PLOD3: variants seen among roughly 807,000 people sequenced by gnomAD.
The protein encoded by PLOD3 is procollagen-lysine,2-oxoglutarate 5-dioxygenase 3.
Under a neutral mutation model 96.9 loss-of-function variants are expected in PLOD3, and 73 were observed. That is an observed-to-expected ratio of 0.75 (90% CI 0.62 to 0.92). The LOEUF (loss-of-function observed/expected upper bound fraction) is 0.92. Ranked by LOEUF, PLOD3 falls within the 40% of genes least tolerant of loss-of-function variation. The pLI, the probability that PLOD3 is intolerant of heterozygous loss-of-function variation, is 0.00. For missense variants in PLOD3, 1,004 were observed against 1,004.3 expected, an observed-to-expected ratio of 1.00 and a Z score of 0.00; for synonymous variants, 454 against 413.7, an observed-to-expected ratio of 1.10 and a Z score of -1.18.
intron 8 of PLOD3, 48 bp downstream of exon 8, chr7:101,212,794 G>T: frequency 1.3e-6 from 2 of 1,560,052 alleles, no homozygotes; most frequent in Non-Finnish European, 1.8e-6. Flanking sequence ...TGTACCTCCT[G>T]CTCAGCACGC....
chr7:101,216,663 AC>A (rs1157643423), intron 2 of PLOD3, 31 bp downstream of exon 2: 1 of 1,606,142 alleles, frequency 6.2e-7, no homozygotes, highest in Non-Finnish European at 8.5e-7. Flanking sequence ...TCCTGCTGGG[AC>A]CCCCTCCCAG....
rs1385274325 is a variant in PLOD3, at chr7:101,212,856, G to C, written c.865C>G (p.Leu289Val). The change falls in exon 8 of 19, where the codon CTC becomes GTC. Residue 289 changes from leucine (L) to valine (V), a missense_variant. Leu to Val is a conservative substitution (Grantham distance 32). Coordinates refer to ENST00000223127, the MANE Select transcript of PLOD3 (RefSeq NM_001084.5). ...CGFCNQDRRT[L>V]PGGQPPPRVF... ...CCCCACCTCACCTGCCCCCCCGGGA[G>C]TGTCCTCCGGTCCTGGTTGCAGAAG... The C allele has an allele frequency of 3.7e-6, 6 of 1,612,440 alleles. No homozygotes were observed. Among genetic ancestry groups the C allele is most frequent in the Non-Finnish European group, 5.1e-6 (6 of 1,178,766 alleles).
At chr7:101,216,389 C>T in intron 3 of PLOD3, 21 bp downstream of exon 3, 1 of 1,614,026 alleles carries the variant, frequency 6.2e-7, no homozygotes, top group East Asian at 2.2e-5. Flanking sequence ...TTACCCCGCT[C>T]CCTATCCCCA....
Position 101,212,870 on chromosome 7 carries a change from T to C in PLOD3, c.851A>G (p.Gln284Arg), listed in dbSNP as rs771747385. The change falls in exon 8 of 19, where the codon CAG (glutamine) becomes CGG (arginine). Residue 284 changes from glutamine (Q) to arginine (R), a missense_variant. Gln to Arg is a conservative substitution (Grantham distance 43). Coordinates refer to ENST00000223127, the MANE Select transcript of PLOD3 (RefSeq NM_001084.5). ...CCCCCCCGGGAGTGTCCTCCGGTCCTGGTTGCAGAAGCCACAGCCTCCCTC... is the reference window on the plus strand; with the variant it reads ...CCCCCCCGGGAGTGTCCTCCGGTCCCGGTTGCAGAAGCCACAGCCTCCCTC... ...TPEGGCGFCN[Q>R]DRRTLPGGQP... 1.9e-6 allele frequency: 3 copies of C among 1,613,312 alleles called. No individual in the cohort carries two copies. Among genetic ancestry groups the C allele is most frequent in the South Asian group, 2.2e-5 (2 of 91,028 alleles).
Position 101,206,365 on chromosome 7 carries a change from G to T in PLOD3, c.2133C>A (p.His711Gln), listed in dbSNP as rs1305209886. ...CGTGGTAGTGGGTGAGGCGGCCGGGGTGCAGGAGTGCCCAGCCCTTCCTCG... is the reference window on the plus strand; with the variant it reads ...CGTGGTAGTGGGTGAGGCGGCCGGGTTGCAGGAGTGCCCAGCCCTTCCTCG... ...SSPRKGWALL[H>Q]PGRLTHYHEG... Residue 711 changes from histidine to glutamine, a missense_variant, in exon 19 of 19, where the codon CAC (histidine) becomes CAA (glutamine). By Grantham distance (24) the His-to-Gln change is conservative. Transcript: ENST00000223127. The T allele has an allele frequency of 1.2e-6, 2 of 1,613,778 alleles. No individual in the cohort carries two copies. Among genetic ancestry groups the T allele is most frequent in the South Asian group, 1.1e-5 (1 of 91,086 alleles).
chr7:101,216,929 C>A, intron 1 of PLOD3, 143 bp from the exon 2 acceptor site: 1 of 770,824 alleles, frequency 1.3e-6, no homozygotes. Flanking sequence ...ACTCTGACCC[C>A]AAGGAGGGCA....
chr7:101,211,646 C>T lies in PLOD3; in HGVS notation c.1303G>A (p.Asp435Asn), dbSNP rs192851267. The change falls in exon 12 of 19, where the codon GAT (aspartate) becomes AAT (asparagine). Residue 435 changes from aspartate to asparagine, a missense_variant. Asp to Asn is a conservative substitution (Grantham distance 23). Coordinates refer to ENST00000223127, the MANE Select transcript of PLOD3 (RefSeq NM_001084.5). ...TCCTCGGAGCGGGCGTAGTACTCAT[C>T]GGGGCTCAGGGCGCCCCAGAAGTTG... ...WSNFWGALSP[D>N]EYYARSEDYV... 1.7e-5 allele frequency: 27 copies of T among 1,607,006 alleles called. No individual in the cohort carries two copies. Among genetic ancestry groups the T allele is most frequent in the Non-Finnish European group, 2.1e-5 (25 of 1,177,420 alleles).
chr7:101,216,627 TG>T (rs905880289), intron 2 of PLOD3, 67 bp downstream of exon 2: 12 of 1,608,984 alleles, frequency 7.5e-6, no homozygotes, highest in Non-Finnish European at 8.5e-6. Flanking sequence ...CGTGGGGACC[TG>T]GGCATCCAGA....
intron 12 of PLOD3, 87 bp from the exon 13 acceptor site, chr7:101,210,760 G>GTA (rs1303163749): frequency 5.4e-6 from 8 of 1,484,984 alleles, no homozygotes; most frequent in Non-Finnish European, 7.4e-6. Context: ...TTCCCTCAGG[G>GTA]TATCCCAGTC....
In PLOD3 at chr7:101,212,601, G is replaced by T. The variant is rs1168769480; in HGVS notation, c.934C>A (p.Pro312Thr). 2 of 1,613,894 alleles carry T rather than the reference G, an allele frequency of 1.2e-6. No individual in the cohort carries two copies. Among genetic ancestry groups the T allele is most frequent in the Admixed American group, 3.3e-5 (2 of 59,996 alleles). The change falls in exon 9 of 19, where the codon CCC (proline) becomes ACC (threonine). Residue 312 changes from proline to threonine, a missense_variant. Transcript: ENST00000223127. ...VFVEQPTPFLPRFLQRLLLLD... is the reference protein window; with the variant it reads ...VFVEQPTPFLTRFLQRLLLLD... ...AGTAGCAGCCGCTGCAGGAAGCGGG[G>T]CAGAAACGGAGTAGGCTGTTCCACA...
intron 7 of PLOD3, 26 bp from the exon 8 acceptor site, chr7:101,212,969 T>A: frequency 6.5e-7 from 1 of 1,538,822 alleles, no homozygotes; most frequent in Non-Finnish European, 9.0e-7. Flanking sequence ...TGAGGCTGAG[T>A]GGCTGAGGCC....
At position 101,211,909 on chromosome 7, in the gene PLOD3, C is replaced by T; in HGVS notation, c.1169G>A (p.Ser390Asn). 6.2e-7 allele frequency: 1 copy of T among 1,611,602 alleles called. No homozygotes were observed. The highest frequency in any genetic ancestry group is 8.5e-7 in the Non-Finnish European group (1 of 1,179,136). ...RQDPECEFYF[S>N]LDADAVLTNL... ...GGTGAGGACAGCGTCGGCGTCCAGG[C>T]TGAAGTAGAACTCACACTCGGGGTC... is the stretch of plus-strand genomic sequence containing the variant. The change falls in exon 11 of 19, where the codon AGC becomes AAC. Residue 390 changes from serine (S) to asparagine (N), a missense_variant. Ser to Asn is a conservative substitution (Grantham distance 46). This residue lies in a region of PLOD3 where 690 missense variants were observed against 650.2 expected (regional missense o/e 1.06). Coordinates refer to ENST00000223127, the MANE Select transcript of PLOD3 (RefSeq NM_001084.5).
rs978249218 is a variant in PLOD3 at position 101,206,017 on chromosome 7, G to A, written c.*264C>T. 15 of 568,010 alleles carry A rather than the reference G, an allele frequency of 2.6e-5. No individual in the cohort carries two copies. Among genetic ancestry groups the A allele is most frequent in the African/African-American group, 9.4e-5 (5 of 53,238 alleles). 35.2% of individuals were successfully genotyped at this position (568,010 alleles called of 1,614,324 possible). On this transcript the variant is annotated 3_prime_UTR_variant, in exon 19 of 19. Coordinates refer to ENST00000223127, the MANE Select transcript of PLOD3 (RefSeq NM_001084.5). ...TGTCCTTTATTCAGAGTGAGACTGC[G>A]GAACATTAATAATTTATCACGCGGG...
At chr7:101,209,053 G>A (rs569883734) in intron 15 of PLOD3, 96 bp from the exon 16 acceptor site, 10 of 932,224 alleles carry the variant, frequency 1.1e-5, no homozygotes, top group Non-Finnish European at 1.6e-5. Context: ...GGGAGGAGCA[G>A]GGAAGGCTTT....
At position 101,206,205 on chromosome 7, in the gene PLOD3, C is replaced by T; in HGVS notation, c.*76G>A. 2 of 1,413,828 alleles carry T rather than the reference C, an allele frequency of 1.4e-6. No homozygotes were observed. The highest frequency in any genetic ancestry group is 3.5e-4 in the Middle Eastern group (2 of 5,636). The allele number at this position is 1,413,828 out of a possible 1,614,324, so 87.6% of individuals were successfully genotyped here. A position where few individuals can be genotyped will look rare whatever the true frequency, so the allele number is the denominator to read the frequency against. Reference sequence around the variant, plus strand: ...AAGTGGGGAGACAGAGAGACCCATCCCCCAACTCCCAGGACGGGGGCCAGG... The same window carrying T: ...AAGTGGGGAGACAGAGAGACCCATCTCCCAACTCCCAGGACGGGGGCCAGG... On this transcript the variant is annotated 3_prime_UTR_variant, in exon 19 of 19. Transcript: ENST00000223127.
rs760776072 is a variant in PLOD3 at position 101,206,336 on chromosome 7, C to T, written c.2162G>A (p.Gly721Glu). The part of the protein sequence containing the change: ...HPGRLTHYHE[G>E]LPTTWGTRYI... ...GCGTGTGCCCCAGGTCGTTGGCAGC[C>T]CCTCGTGGTAGTGGGTGAGGCGGCC... Residue 721 changes from glycine to glutamate, a missense_variant, in exon 19 of 19, where the codon GGG (glycine) becomes GAG (glutamate). Gly to Glu is a moderately conservative substitution (Grantham distance 98). This residue lies in a region of PLOD3 where 222 missense variants were observed against 220.4 expected (regional missense o/e 1.01). Coordinates refer to ENST00000223127, the MANE Select transcript of PLOD3 (RefSeq NM_001084.5). 2 of 1,613,980 alleles carry T rather than the reference C, an allele frequency of 1.2e-6. No individual in the cohort carries two copies. The highest frequency in any genetic ancestry group is 1.7e-6 in the Non-Finnish European group (2 of 1,179,900).
At chr7:101,216,656 T>C in intron 2 of PLOD3, 39 bp downstream of exon 2, 3 of 1,606,062 alleles carry the variant, frequency 1.9e-6, no homozygotes, top group Non-Finnish European at 2.6e-6. Flanking sequence ...CCACCCCTCC[T>C]GCTGGGACCC....
At position 101,206,850 on chromosome 7, in the gene PLOD3, G is replaced by A. The variant is rs2116793387; in HGVS notation, c.1990C>T (p.Leu664=). ...GTGGATGAGTCGTGGTGTGGCCGCA[G>A]AGACGGCTGCTCGTCTGGCCGGTAG... is the stretch of plus-strand genomic sequence containing the variant. ...VRYRPDEQPS[L]RPHHDSSTFT... is the part of the protein sequence containing the mutation. The change falls in exon 18 of 19, where the codon CTG becomes TTG. Residue 664 remains leucine, a synonymous_variant. Transcript: ENST00000223127. 6.4e-7 allele frequency: 1 copy of A among 1,568,034 alleles called. No homozygotes were observed. Among genetic ancestry groups the A allele is most frequent in the Non-Finnish European group, 8.6e-7 (1 of 1,156,106 alleles).
At chr7:101,212,779 G>A (rs1798206939) in intron 8 of PLOD3, 63 bp downstream of exon 8, 1 of 1,564,944 alleles carries the variant, frequency 6.4e-7, no homozygotes, top group Non-Finnish European at 8.8e-7. Flanking sequence ...CCAGTCCGCT[G>A]TCCTTGTACC....
Sources: allele counts gnomAD v4.1 joint callset, GRCh38; gene constraint gnomAD v4.1.1; regional missense constraint gnomAD v4.1.1; transcripts MANE v1.5; gene names NCBI Gene and HGNC (gene_info 2026-07-23, HGNC 2026-07-21).